The following SLCO2A1 variants were observed in gnomAD, a reference collection of about 807,000 sequenced individuals.
SLCO2A1 encodes solute carrier organic anion transporter family member 2A1.
In SLCO2A1, 60 loss-of-function variants were observed where a neutral mutation model predicts 71.7. That is an observed-to-expected ratio of 0.84 (90% CI 0.68 to 1.04). The LOEUF is 1.04. Ranked by LOEUF, SLCO2A1 falls within the 50% of genes least tolerant of loss-of-function variation. The pLI, the probability that SLCO2A1 is intolerant of heterozygous loss-of-function variation, is 0.00. For synonymous variants in SLCO2A1, 308 were observed against 326.7 expected (o/e 0.94, Z 0.62); for missense variants, 745 against 813.4 (o/e 0.92, Z 1.02).
chr3:134,025,774 G>T (rs1935690161), intron 1 of SLCO2A1, among the ~76,000 whole-genome samples: 1 of 152,194 alleles, frequency 6.6e-6, no homozygotes, highest in Admixed American at 6.5e-5. Context: ...CTTGATCCTC[G>T]CTGGAAAAAA....
At chr3:133,986,384 T>C (rs1375384862) in intron 1 of SLCO2A1, among the ~76,000 whole-genome samples, 3 of 152,248 alleles carry the variant, frequency 2.0e-5, no homozygotes, top group Non-Finnish European at 4.4e-5. Context: ...GTGTGTGTGC[T>C]AATCTAAACA....
chr3:133,946,213 A>C (rs1933573644), intron 9 of SLCO2A1, among the ~76,000 whole-genome samples: 1 of 151,656 alleles, frequency 6.6e-6, no homozygotes, highest in Admixed American at 6.6e-5. Context: ...TCACCCACCA[A>C]AGACAGAGGA....
intron 12 of SLCO2A1, 145 bp from the exon 13 acceptor site, chr3:133,936,042 G>A (rs1933263485): frequency 2.4e-6 from 2 of 819,652 alleles, no homozygotes; most frequent in Admixed American, 3.7e-5. Flanking sequence ...ACTCTGGAAA[G>A]CAGAATAGCT....
At chr3:134,000,114 C>T (rs926134256) in intron 1 of SLCO2A1, among the ~76,000 whole-genome samples, 4 of 152,080 alleles carry the variant, frequency 2.6e-5, no homozygotes, top group African/African-American at 4.8e-5. Context: ...TGGGGGATGA[C>T]GAGTGCATAT....
chr3:133,989,212 T>G (rs1934782427), intron 1 of SLCO2A1, among the ~76,000 whole-genome samples: 1 of 152,216 alleles, frequency 6.6e-6, no homozygotes, highest in Non-Finnish European at 1.5e-5. Context: ...CCCAGAAAAC[T>G]TTATAACTGG....
rs755831321 is a variant in SLCO2A1 at position 133,938,544 on chromosome 3, T to C, written c.1626-51A>G. ...AGTGGGAGGATTCAGGGCTGCACGA[T>C]CCCTTGGGTAAGGGGCAGCCAGCCT... On this transcript the variant is annotated intron_variant, in intron 11 of 13. Transcript: ENST00000310926. The C allele has an allele frequency of 6.3e-6, 10 of 1,575,398 alleles. No homozygotes were observed. In the East Asian group the frequency reaches 6.7e-5, roughly 11 times the overall value.
chr3:133,947,240 C>T lies in SLCO2A1; in HGVS notation c.1295+16G>A. The T allele has an allele frequency of 6.2e-7, 1 of 1,610,418 alleles. No individual in the cohort carries two copies. Among genetic ancestry groups the T allele is most frequent in the Non-Finnish European group, 8.5e-7 (1 of 1,177,090 alleles). On this transcript the variant is annotated intron_variant, in intron 9 of 13. Coordinates refer to ENST00000310926, the MANE Select transcript of SLCO2A1 (RefSeq NM_005630.3). ...GCCTTATTAAAGGGGATCTCTCTAC[C>T]CCTTATTCCCATTACCTAGGGGGGT...
chr3:133,975,821 G>T (rs973884967), intron 2 of SLCO2A1, among the ~76,000 whole-genome samples: 1 of 152,268 alleles, frequency 6.6e-6, no homozygotes, highest in East Asian at 1.9e-4. Flanking sequence ...TCTCAAGAAG[G>T]TCTTTCTCTG....
chr3:133,955,265 C>A, intron 3 of SLCO2A1, 72 bp from the exon 4 acceptor site: 1 of 1,384,062 alleles, frequency 7.2e-7, no homozygotes, highest in Non-Finnish European at 9.9e-7. Flanking sequence ...CCAAACCCGG[C>A]CTTTCTCCCA....
chr3:133,960,954 G>T (rs1046893148), intron 3 of SLCO2A1, among the ~76,000 whole-genome samples: 1 of 151,966 alleles, frequency 6.6e-6, no homozygotes, highest in Non-Finnish European at 1.5e-5. Context: ...CAGATGCGGG[G>T]GTGGTACATT....
chr3:133,934,572 A>G lies in SLCO2A1; in HGVS notation c.*141T>C. On this transcript the variant is annotated 3_prime_UTR_variant, in exon 14 of 14. Transcript: ENST00000310926. ...GGGGAGGACTCTGGGAGGAAGAGGT[A>G]GGGAAGGCAAATGAGGACTGGGGTT... 1 of 621,308 alleles carries G rather than the reference A, an allele frequency of 1.6e-6. No homozygotes were observed. The highest frequency in any genetic ancestry group is 2.8e-6 in the Non-Finnish European group (1 of 352,818). The allele number at this position is 621,308 out of a possible 1,614,324, so 38.5% of individuals were successfully genotyped here. A position where few individuals can be genotyped will look rare whatever the true frequency, so the allele number is the denominator to read the frequency against.
intron 3 of SLCO2A1, among the ~76,000 whole-genome samples, chr3:133,964,547 G>A (rs34856813): frequency 0.11 from 16,739 of 152,240 alleles, 1,255 homozygotes; most frequent in Non-Finnish European, 0.16. Flanking sequence ...CACCAGCAAT[G>A]GATGGATTAT....
intron 3 of SLCO2A1, among the ~76,000 whole-genome samples, chr3:133,961,125 G>T (rs1165730215): frequency 2.0e-5 from 3 of 152,042 alleles, no homozygotes. Context: ...TCAGTGCAAT[G>T]AACACACTAG....
At chr3:133,973,114 AT>A (rs1434337987) in intron 3 of SLCO2A1, among the ~76,000 whole-genome samples, 2 of 152,228 alleles carry the variant, frequency 1.3e-5, no homozygotes, top group African/African-American at 2.4e-5. Flanking sequence ...TATGATCCTT[AT>A]TTTGCTCTCT....
chr3:134,005,606 C>T (rs1163172964), intron 1 of SLCO2A1, among the ~76,000 whole-genome samples: 7 of 151,692 alleles, frequency 4.6e-5, no homozygotes, highest in African/African-American at 1.2e-4. Flanking sequence ...CTCAGCCTCC[C>T]GAGTAGCTGG....
intron 1 of SLCO2A1, among the ~76,000 whole-genome samples, chr3:133,987,277 C>T (rs1441751448): frequency 6.6e-6 from 1 of 151,486 alleles, no homozygotes; most frequent in East Asian, 1.9e-4. Flanking sequence ...CTCATTATAC[C>T]TCTCTGGCAT....
At chr3:133,942,507 G>C (rs955652259) in intron 11 of SLCO2A1, 98 bp downstream of exon 11, 202 of 1,285,930 alleles carry the variant, frequency 1.6e-4, no homozygotes, top group Non-Finnish European at 2.0e-4. Context: ...GGCCACAAAA[G>C]GGGGGAGAGA....
chr3:134,021,774 G>A (rs571999534), intron 1 of SLCO2A1, among the ~76,000 whole-genome samples: 2 of 152,112 alleles, frequency 1.3e-5, no homozygotes, highest in African/African-American at 4.8e-5. Context: ...AAAAAAAAGT[G>A]TACCCTATAA....
intron 1 of SLCO2A1, among the ~76,000 whole-genome samples, chr3:133,995,320 C>T (rs1934942598): frequency 1.3e-5 from 2 of 152,148 alleles, no homozygotes; most frequent in African/African-American, 4.8e-5. Flanking sequence ...TTCCCCCCAC[C>T]TCAGATCAAA....
Sources: gnomAD v4.1 joint callset for allele counts (sites outside exome capture counted in the v4.1 genomes callset) on GRCh38, gnomAD v4.1.1 for gene constraint, MANE v1.5 for transcripts, NCBI Gene and HGNC (gene_info 2026-07-23, HGNC 2026-07-21) for gene names.